The following PACRG variants were observed in gnomAD, a reference collection of about 807,000 sequenced individuals.
PACRG encodes the protein parkin coregulated.
In PACRG, 29 loss-of-function variants were observed where a neutral mutation model predicts 29.7. That is an observed-to-expected ratio of 0.98 (90% CI 0.73 to 1.33). PACRG has a LOEUF of 1.33. Ranked by LOEUF, PACRG falls within the 40% of genes most tolerant of loss-of-function variation. PACRG has a pLI of 0.00. For missense variants in PACRG, 279 were observed against 316.2 expected (o/e 0.88, Z 0.89); for synonymous variants, 116 against 118.7 (o/e 0.98, Z 0.15).
chr6:163,236,885 C>T (rs999013985), intron 4 of PACRG, among the ~76,000 whole-genome samples: 1 of 152,114 alleles, frequency 6.6e-6, no homozygotes, highest in African/African-American at 2.4e-5. Flanking sequence ...AAGGAGAAGC[C>T]AGCTCATCTT....
At chr6:162,735,647 C>T (rs1028775356) in intron 1 of PACRG, among the ~76,000 whole-genome samples, 2 of 152,048 alleles carry the variant, frequency 1.3e-5, no homozygotes, top group Non-Finnish European at 2.9e-5. Context: ...TGATATGAGG[C>T]ACTTGTCTAG....
chr6:163,161,598 G>C (rs559163483), intron 4 of PACRG, among the ~76,000 whole-genome samples: 1 of 152,298 alleles, frequency 6.6e-6, no homozygotes, highest in Admixed American at 6.5e-5. Context: ...TTGTGCACTT[G>C]TGTGTATATA....
chr6:163,078,514 G>A (rs1361010070), intron 3 of PACRG, among the ~76,000 whole-genome samples: 3 of 151,350 alleles, frequency 2.0e-5, no homozygotes, highest in Non-Finnish European at 4.4e-5. Context: ...GGGGGGGAGG[G>A]GGGCAATGAT....
intron 4 of PACRG, among the ~76,000 whole-genome samples, chr6:163,227,280 G>A (rs1162945781): frequency 6.6e-6 from 1 of 152,060 alleles, no homozygotes; most frequent in East Asian, 1.9e-4. Flanking sequence ...ACAAGAGGGA[G>A]GTGGGAGGTA....
chr6:162,799,579 C>T (rs1374125666), intron 1 of PACRG, among the ~76,000 whole-genome samples: 1 of 151,404 alleles, frequency 6.6e-6, no homozygotes, highest in Admixed American at 6.6e-5. Context: ...TGTTAACTTC[C>T]TAAGTATTTT....
intron 4 of PACRG, among the ~76,000 whole-genome samples, chr6:163,089,819 C>G (rs1007194846): frequency 6.6e-6 from 1 of 152,094 alleles, no homozygotes; most frequent in Admixed American, 6.6e-5. Flanking sequence ...TTTTTAAGCA[C>G]TATTATTAAA....
At chr6:163,276,035 C>CTTTCTTTCTTTCTTTCTTTCT (rs1784014009) in intron 4 of PACRG, among the ~76,000 whole-genome samples, 1 of 136,758 alleles carries the variant, frequency 7.3e-6, no homozygotes, top group South Asian at 2.3e-4. Context: ...TTCTTTCTTT[C>CTTTCTTTCTTTCTTTCTTTCT]TTTTTTATTT....
chr6:162,932,356 C>T (rs1468185197), intron 2 of PACRG, among the ~76,000 whole-genome samples: 6 of 151,970 alleles, frequency 3.9e-5, no homozygotes, highest in African/African-American at 1.2e-4. Flanking sequence ...TCTGTCAAAA[C>T]TTATCAAATT....
intron 2 of PACRG, among the ~76,000 whole-genome samples, chr6:162,926,942 C>G (rs1198362170): frequency 6.6e-6 from 1 of 151,098 alleles, no homozygotes; most frequent in Non-Finnish European, 1.5e-5. Context: ...TTACAAGGAA[C>G]TTAAACAAAT....
chr6:162,818,032 AATATGC>A lies in PACRG; in HGVS notation c.291+3754_291+3759del, dbSNP rs1281979745. On this transcript the variant is annotated intron_variant, in intron 2 of 4. Coordinates refer to ENST00000366888, the MANE Select transcript of PACRG (RefSeq NM_001080379.2). Reference sequence around the variant, plus strand: ...GGAATAGCTTTTTTTTTAATTTTTAAATATGCATTTTCTAAATATCACTAAAGAATT... The same window carrying A: ...GGAATAGCTTTTTTTTTAATTTTTAAATTTTCTAAATATCACTAAAGAATT... Among the ~76,000 whole-genome samples the A allele has an allele frequency of 4.3e-3, 659 of 152,278 alleles. 4 individuals carry two copies. The highest frequency in any genetic ancestry group is 0.014 in the African/African-American group (591 of 41,548).
chr6:163,077,517 T>C (rs1812659128), intron 3 of PACRG, among the ~76,000 whole-genome samples: 1 of 152,102 alleles, frequency 6.6e-6, no homozygotes, highest in Non-Finnish European at 1.5e-5. Context: ...AAGAATGAAA[T>C]ATGAGAATCC....
intron 4 of PACRG, among the ~76,000 whole-genome samples, chr6:163,266,896 G>A (rs772486056): frequency 7.2e-5 from 11 of 152,158 alleles, no homozygotes; most frequent in Admixed American, 5.9e-4. Flanking sequence ...TTATGAGCAC[G>A]TTCTTCCTTC....
intron 2 of PACRG, among the ~76,000 whole-genome samples, chr6:162,893,027 C>G (rs1794897638): frequency 6.7e-6 from 1 of 150,368 alleles, no homozygotes; most frequent in Non-Finnish European, 1.5e-5. Flanking sequence ...GGCCCACATC[C>G]CGGAGAACCA....
chr6:163,172,508 G>A (rs544010383), intron 4 of PACRG, among the ~76,000 whole-genome samples: 1 of 152,232 alleles, frequency 6.6e-6, no homozygotes, highest in Non-Finnish European at 1.5e-5. Flanking sequence ...ATGCATGCAC[G>A]CACACATACA....
intron 4 of PACRG, among the ~76,000 whole-genome samples, chr6:163,239,165 T>C (rs1782364732): frequency 2.6e-5 from 4 of 152,222 alleles, no homozygotes; most frequent in Admixed American, 2.6e-4. Flanking sequence ...GCTAATGATA[T>C]CTTCTCTCTG....
chr6:163,077,658 T>A (rs904531858), intron 3 of PACRG, among the ~76,000 whole-genome samples: 1 of 152,240 alleles, frequency 6.6e-6, no homozygotes, highest in Non-Finnish European at 1.5e-5. Context: ...TAAATTATTC[T>A]GAACGTGATC....
At chr6:163,052,016 T>C (rs1810065919) in intron 2 of PACRG, 1 of 152,230 alleles carries the variant, frequency 6.6e-6, no homozygotes, top group South Asian at 2.1e-4. Flanking sequence ...ATGATTTTAG[T>C]TGTATATTCA....
At chr6:163,196,741 GTT>G (rs1401675720) in intron 4 of PACRG, among the ~76,000 whole-genome samples, 1 of 152,134 alleles carries the variant, frequency 6.6e-6, no homozygotes, top group African/African-American at 2.4e-5. Context: ...GTGAGCAGAT[GTT>G]CAGAAGACAG....
At chr6:163,073,043 A>T (rs1420021196) in intron 3 of PACRG, among the ~76,000 whole-genome samples, 1 of 152,252 alleles carries the variant, frequency 6.6e-6, no homozygotes, top group East Asian at 1.9e-4. Flanking sequence ...CAATCTACAG[A>T]TTCAATGCAA....
Sources: allele counts gnomAD v4.1 joint callset (sites outside exome capture counted in the v4.1 genomes callset), GRCh38; gene constraint gnomAD v4.1.1; transcripts MANE v1.5; gene names NCBI Gene and HGNC (gene_info 2026-07-23, HGNC 2026-07-21).